Variants in OTOGL observed in about 807,000 individuals in gnomAD.
OTOGL encodes the protein otogelin-like protein.
Under a neutral mutation model 318.5 loss-of-function variants are expected in OTOGL, and 285 were observed. The ratio of observed to expected loss-of-function variants is 0.89; its 90% CI spans 0.81 to 0.99. The LOEUF (loss-of-function observed/expected upper bound fraction) is 0.99, where lower values mean the gene tolerates loss of function less well. Ranked by LOEUF, OTOGL falls within the 50% of genes least tolerant of loss-of-function variation. OTOGL has a pLI of 0.00. For missense variants in OTOGL, 2,899 were observed against 2,845.6 expected, an observed-to-expected ratio of 1.02 and a Z score of -0.43; for synonymous variants, 987 against 936.5, an observed-to-expected ratio of 1.05 and a Z score of -0.99.
chr12:80,295,157 C>CTTTTTTTTTTTTTTTTTTTTT (rs66786755), intron 26 of OTOGL, among the ~76,000 whole-genome samples: 1 of 98,926 alleles, frequency 1.0e-5, no homozygotes, highest in African/African-American at 4.8e-5. Flanking sequence ...GATTGCCGAA[C>CTTTTTTTTTTTTTTTTTTTTT]TTTTTTTTTT....
intron 8 of OTOGL, among the ~76,000 whole-genome samples, chr12:80,231,709 A>AC (rs1363898724): frequency 6.6e-6 from 1 of 151,874 alleles, no homozygotes; most frequent in East Asian, 1.9e-4. Flanking sequence ...ATTTCAGCTC[A>AC]CCACAACCTC....
At chr12:80,355,150 A>C (rs1046378277) in intron 46 of OTOGL, among the ~76,000 whole-genome samples, 1 of 152,008 alleles carries the variant, frequency 6.6e-6, no homozygotes. Flanking sequence ...TTATAGAAGA[A>C]GACATACAGA....
chr12:80,144,151 A>C (rs575546133), intron 1 of OTOGL, among the ~76,000 whole-genome samples: 176 of 151,774 alleles, frequency 1.2e-3, no homozygotes, highest in Non-Finnish European at 2.2e-3. Context: ...GGTGCGCTGC[A>C]CCCACTAACT....
chr12:80,177,855 T>C (rs1040541837), intron 1 of OTOGL, among the ~76,000 whole-genome samples: 1 of 152,084 alleles, frequency 6.6e-6, no homozygotes, highest in African/African-American at 2.4e-5. Context: ...AGAGCAACCT[T>C]TAGTCTAGGG....
At chr12:80,210,999 A>G in intron 3 of OTOGL, 113 bp downstream of exon 3, 1 of 633,402 alleles carries the variant, frequency 1.6e-6, no homozygotes, top group Non-Finnish European at 2.3e-6. Context: ...TGTTTTACAA[A>G]AAAGCATGAA....
intron 1 of OTOGL, among the ~76,000 whole-genome samples, chr12:80,129,605 T>C (rs1265778305): frequency 6.6e-6 from 1 of 152,162 alleles, no homozygotes; most frequent in African/African-American, 2.4e-5. Context: ...TGAATCACTA[T>C]CTCATTTTTT....
chr12:80,285,035 A>G (rs1483498916), intron 26 of OTOGL, among the ~76,000 whole-genome samples: 1 of 152,030 alleles, frequency 6.6e-6, no homozygotes, highest in African/African-American at 2.4e-5. Flanking sequence ...TCTTTAATCC[A>G]TCTTGAATTA....
chr12:80,268,611 C>A (rs1470462373), intron 22 of OTOGL, among the ~76,000 whole-genome samples: 11 of 152,136 alleles, frequency 7.2e-5, no homozygotes, highest in Non-Finnish European at 1.5e-4. Flanking sequence ...ATTATTCACA[C>A]AGTTTCCCAA....
Position 80,341,834 on chromosome 12 carries a change from G to A in OTOGL, c.5051-114G>A, listed in dbSNP as rs1592730110. ...AAAAGTTCAAGGATACATAAACTTG[G>A]TACCTTATATGGTAAATCATTTGTT... On this transcript the variant is annotated intron_variant, in intron 43 of 58. Coordinates refer to ENST00000547103, the MANE Select transcript of OTOGL (RefSeq NM_001378609.3). 75 of 725,108 alleles carry A rather than the reference G, an allele frequency of 1.0e-4. No homozygotes were observed. In the East Asian group the frequency reaches 2.0e-3, roughly 19 times the overall value. 44.9% of individuals were successfully genotyped at this position (725,108 alleles called of 1,614,324 possible).
chr12:80,103,488 G>A (rs1388076771), intron 1 of OTOGL, among the ~76,000 whole-genome samples: 1 of 152,082 alleles, frequency 6.6e-6, no homozygotes, highest in Non-Finnish European at 1.5e-5. Context: ...TCAACAGTCA[G>A]CTCAAATATC....
intron 9 of OTOGL, among the ~76,000 whole-genome samples, chr12:80,236,791 GTTTTTCTT>G (rs1363013137): frequency 1.4e-5 from 2 of 147,626 alleles, no homozygotes; most frequent in Admixed American, 6.7e-5. Context: ...TTTTGTTTTT[GTTTTTCTT>G]TTTTTCTTTT....
At chr12:80,289,170 G>A (rs1884853688) in intron 26 of OTOGL, among the ~76,000 whole-genome samples, 1 of 152,082 alleles carries the variant, frequency 6.6e-6, no homozygotes, top group African/African-American at 2.4e-5. Context: ...CAGGTCTGTT[G>A]GCATTTGCTG....
intron 1 of OTOGL, chr12:80,103,245 A>G: frequency 6.7e-7 from 1 of 1,485,318 alleles, no homozygotes. Flanking sequence ...AAGGGAAGAC[A>G]TAATCTTCCT....
At chr12:80,144,630 C>A (rs1490790908) in intron 1 of OTOGL, among the ~76,000 whole-genome samples, 1 of 152,052 alleles carries the variant, frequency 6.6e-6, no homozygotes, top group Admixed American at 6.6e-5. Flanking sequence ...GGAATCACCA[C>A]AATGACTTCC....
At chr12:80,333,132 C>G in intron 38 of OTOGL, 54 bp downstream of exon 38, 1 of 1,463,678 alleles carries the variant, frequency 6.8e-7, no homozygotes, top group Non-Finnish European at 9.4e-7. Flanking sequence ...ATCATCCATT[C>G]AAATTTCTGT....
chr12:80,306,027 A>G (rs948589336), intron 29 of OTOGL, among the ~76,000 whole-genome samples: 2 of 152,174 alleles, frequency 1.3e-5, no homozygotes, highest in African/African-American at 2.4e-5. Flanking sequence ...ATGCCAATCA[A>G]TGTATCTGCA....
At chr12:80,161,670 G>A (rs1873527548) in intron 1 of OTOGL, among the ~76,000 whole-genome samples, 2 of 152,226 alleles carry the variant, frequency 1.3e-5, no homozygotes, top group Admixed American at 6.5e-5. Context: ...AAAGAACGGT[G>A]CTACCGTTAG....
intron 26 of OTOGL, among the ~76,000 whole-genome samples, chr12:80,289,534 G>T (rs751461342): frequency 6.6e-6 from 1 of 152,156 alleles, no homozygotes; most frequent in Non-Finnish European, 1.5e-5. Flanking sequence ...CAGGGAGATG[G>T]GAGTTTTGTC....
At chr12:80,334,236 T>G (rs1487507302) in intron 38 of OTOGL, among the ~76,000 whole-genome samples, 1 of 152,250 alleles carries the variant, frequency 6.6e-6, no homozygotes, top group East Asian at 1.9e-4. Flanking sequence ...GTAGAAAGAT[T>G]ACATGTGAAG....
Sources: gnomAD v4.1 joint callset for allele counts (sites outside exome capture counted in the v4.1 genomes callset) on GRCh38, gnomAD v4.1.1 for gene constraint, MANE v1.5 for transcripts, NCBI Gene and HGNC (gene_info 2026-07-23, HGNC 2026-07-21) for gene names.